Variants in ITFG2 observed in about 807,000 individuals in gnomAD.
ITFG2 encodes the protein integrin alpha FG-GAP repeat containing 2, also known as KICSTOR complex protein ITFG2.
ITFG2 carries 36 observed loss-of-function variants against 54.4 expected under a neutral mutation model. The observed-to-expected ratio is 0.66, with a 90% CI of 0.51 to 0.87. The LOEUF (loss-of-function observed/expected upper bound fraction) is 0.87, where lower values mean the gene tolerates loss of function less well. ITFG2 is among the 40% of genes least tolerant of loss of function. The pLI, the probability that ITFG2 is intolerant of heterozygous loss-of-function variation, is 0.00. For missense variants in ITFG2, 524 were observed against 576.7 expected (o/e 0.91, Z 0.94); for synonymous variants, 211 against 225.4 (o/e 0.94, Z 0.57).
intron 3 of ITFG2, chr12:2,858,713 G>A: frequency 6.2e-7 from 1 of 1,614,196 alleles, no homozygotes; most frequent in Non-Finnish European, 8.5e-7. Context: ...GGCCAGGAAA[G>A]CTGATGTCCA....
intron 2 of ITFG2, chr12:2,855,490 G>A (rs2098084478): frequency 7.3e-7 from 1 of 1,369,948 alleles, no homozygotes; most frequent in Non-Finnish European, 9.5e-7. Context: ...TGTGCAGACA[G>A]GGGTGCAGAA....
rs538610845 is a variant in ITFG2 at position 2,851,163 on chromosome 12, G to GA, written n.301-6838dup. On this transcript the variant is annotated intron_variant and non_coding_transcript_variant, in intron 2 of 3. Coordinates refer to the ITFG2 transcript ENST00000537710. Reference sequence around the variant, plus strand: ...GGGCGACAAGAGCGAAACTCCATCTGAAAAAAAAAAATTAAAGATTTAAAG... The same window carrying GA: ...GGGCGACAAGAGCGAAACTCCATCTGAAAAAAAAAAAATTAAAGATTTAAAG... Among the ~76,000 whole-genome samples, 976 of 143,772 alleles carry GA rather than the reference G, an allele frequency of 6.8e-3. 7 individuals carry two copies. The highest frequency in any genetic ancestry group is 0.016 in the South Asian group (74 of 4,504). The allele number at this position is 143,772 out of a possible 152,430, so 94.3% of individuals were successfully genotyped here.
In ITFG2 at chr12:2,812,670, C is replaced by G; in HGVS notation, c.-91C>G. ...TTCAGGCAGTGACGTAACTTGCTGC[C>G]TTAGGTGGCCTTCCGCTCTGGCGGC... On this transcript the variant is annotated 5_prime_UTR_variant, in exon 1 of 12. Transcript: ENST00000228799. 3.0e-6 allele frequency: 3 copies of G among 1,016,022 alleles called. No homozygotes were observed. The highest frequency in any genetic ancestry group is 4.6e-6 in the Non-Finnish European group (3 of 646,338). The allele number at this position is 1,016,022 out of a possible 1,614,324, so 62.9% of individuals were successfully genotyped here.
chr12:2,834,704 T>C (rs1313413265), upstream of ITFG2: 1 of 1,613,784 alleles, frequency 6.2e-7, no homozygotes, highest in Non-Finnish European at 8.5e-7. Flanking sequence ...GCCGAGTCCT[T>C]GTGCAGGAAC....
intron 3 of ITFG2, chr12:2,858,965 C>T: frequency 6.2e-7 from 1 of 1,613,478 alleles, no homozygotes. Context: ...GATCCATCAG[C>T]CCCAGGGGGT....
upstream of ITFG2, among the ~76,000 whole-genome samples, chr12:2,834,091 G>A (rs1051137144): frequency 7.9e-5 from 12 of 152,226 alleles, no homozygotes; most frequent in African/African-American, 2.9e-4. Flanking sequence ...GAGCCTGGAA[G>A]GTCCATTCCA....
Position 2,818,517 on chromosome 12 carries a change from G to A in ITFG2, c.406+240G>A. ...AAGAAACAGAAAAGAAACAATATAG[G>A]CTAGGTGTGCTGCCTCTCGCCTGTG... On this transcript the variant is annotated intron_variant, in intron 4 of 11. Coordinates refer to ENST00000228799, the MANE Select transcript of ITFG2 (RefSeq NM_018463.4). 4.7e-6 allele frequency: 3 copies of A among 639,820 alleles called. No individual in the cohort carries two copies. The South Asian group carries it at 5.7e-5, about 12-fold the overall frequency. The allele number at this position is 639,820 out of a possible 1,614,324, so 39.6% of individuals were successfully genotyped here. A position where few individuals can be genotyped will look rare whatever the true frequency, so the allele number is the denominator to read the frequency against.
rs200437822 is a variant in ITFG2 at position 2,849,369 on chromosome 12, C to T, written n.300+8374C>T. ...CCCTTATGAGGTCCTGGCTCAGGGG[C>T]GCGCTGGGCAGCAAGGCCAGCTTTA... On this transcript the variant is annotated intron_variant and non_coding_transcript_variant, in intron 2 of 3. Transcript: ENST00000537710. The T allele has an allele frequency of 2.2e-5, 34 of 1,536,028 alleles. 1 individual carries two copies. In the East Asian group the frequency reaches 4.6e-4, roughly 21 times the overall value.
Position 2,855,015 on chromosome 12 carries a change from CTGCTTCT to C in ITFG2, n.301-2995_301-2989del, listed in dbSNP as rs995267886. The C allele has an allele frequency of 2.0e-6, 3 of 1,536,064 alleles. No individual in the cohort carries two copies. In the African/African-American group the frequency reaches 4.1e-5, roughly 21 times the overall value. Reference sequence around the variant, plus strand: ...ACTCCTTCACTGTCCTGAAAATCACCTGCTTCTTCCTTTTCATGTCCACAAACGTGGG... The same window carrying C: ...ACTCCTTCACTGTCCTGAAAATCACCTCCTTTTCATGTCCACAAACGTGGG... On this transcript the variant is annotated intron_variant and non_coding_transcript_variant, in intron 2 of 3. Coordinates refer to the ITFG2 transcript ENST00000537710.
chr12:2,830,288 G>A (rs1326843894), intron 2 of ITFG2: 1 of 154,720 alleles, frequency 6.5e-6, no homozygotes, highest in Non-Finnish European at 1.4e-5. Context: ...AAAGACGGTG[G>A]CCGAGGACCA....
At chr12:2,832,372 G>A (rs551696088), upstream of ITFG2, among the ~76,000 whole-genome samples, 2 of 151,852 alleles carry the variant, frequency 1.3e-5, no homozygotes, top group Admixed American at 1.3e-4. Context: ...CAGAAGCACC[G>A]CTCATACCAG....
chr12:2,816,928 G>A (rs2097923675), intron 1 of ITFG2, among the ~76,000 whole-genome samples: 1 of 152,132 alleles, frequency 6.6e-6, no homozygotes, highest in African/African-American at 2.4e-5. Context: ...TTATAGGCAT[G>A]AGCCACTGCA....
chr12:2,826,901 C>T (rs947339701), downstream of ITFG2: 3 of 999,900 alleles, frequency 3.0e-6, no homozygotes, highest in African/African-American at 3.5e-5. Context: ...CCCAAGCAGG[C>T]ACCCCATTGT....
chr12:2,834,102 C>T (rs1298436554), upstream of ITFG2, among the ~76,000 whole-genome samples: 1 of 152,210 alleles, frequency 6.6e-6, no homozygotes, highest in African/African-American at 2.4e-5. Flanking sequence ...GTCCATTCCA[C>T]TCAGGAGTTG....
At chr12:2,849,303 G>A in intron 2 of ITFG2, 1 of 1,536,170 alleles carries the variant, frequency 6.5e-7, no homozygotes, top group Non-Finnish European at 8.7e-7. Context: ...AGAGATGGTG[G>A]AGGGGTAAGG....
In ITFG2 at chr12:2,850,033, T is replaced by C. The variant is rs2334869; in HGVS notation, n.301-7979T>C. On this transcript the variant is annotated intron_variant and non_coding_transcript_variant, in intron 2 of 3. Coordinates refer to the ITFG2 transcript ENST00000537710. Reference sequence around the variant, plus strand: ...GCCCCTGGTTCGGCAGATAGTCCCCTGTTTGCTGTTGTTGGTTTATGCAGG... The same window carrying C: ...GCCCCTGGTTCGGCAGATAGTCCCCCGTTTGCTGTTGTTGGTTTATGCAGG... 8.8e-3 allele frequency among the ~76,000 whole-genome samples: 1,334 copies of C among 152,232 alleles called. 17 individuals carry two copies. The highest frequency in any genetic ancestry group is 0.03 in the African/African-American group (1,259 of 41,544).
At chr12:2,851,622 C>T (rs1376829754) in intron 2 of ITFG2, among the ~76,000 whole-genome samples, 1 of 152,028 alleles carries the variant, frequency 6.6e-6, no homozygotes, top group Non-Finnish European at 1.5e-5. Flanking sequence ...GGATTACAGG[C>T]GTGAGCCACC....
At chr12:2,827,121 C>T, downstream of ITFG2, 12 of 1,593,126 alleles carry the variant, frequency 7.5e-6, no homozygotes, top group Non-Finnish European at 1.0e-5. This position sits in a 1 kb window ranked among gnomAD's most constrained non-coding sequence, Gnocchi z 4.0. Context: ...TAGTCCCCAG[C>T]TACCTGGCTT....
chr12:2,852,438 C>G (rs1053262126), intron 2 of ITFG2, among the ~76,000 whole-genome samples: 2 of 152,106 alleles, frequency 1.3e-5, no homozygotes, highest in Non-Finnish European at 2.9e-5. Flanking sequence ...ACAGTGATGG[C>G]TAACTGCAGC....
Sources: gnomAD v4.1 joint callset for allele counts (sites outside exome capture counted in the v4.1 genomes callset) on GRCh38, gnomAD v4.1.1 for gene constraint, Gnocchi (gnomAD v3.1) non-coding constraint, MANE v1.5 for transcripts, NCBI Gene and HGNC (gene_info 2026-07-23, HGNC 2026-07-21) for gene names.